Variants in GPR162 observed in about 807,000 individuals in gnomAD.
GPR162 encodes G protein-coupled receptor 162, also known as probable G protein-coupled receptor 162.
A neutral mutation model predicts 44.9 loss-of-function variants in GPR162; 26 were observed. The ratio of observed to expected loss-of-function variants is 0.58; its 90% CI spans 0.42 to 0.80. The LOEUF (loss-of-function observed/expected upper bound fraction) is 0.80. GPR162 is among the 30% of genes least tolerant of loss of function. The pLI is 0.00. For synonymous variants in GPR162, 363 were observed against 335.2 expected (o/e 1.08, Z -0.91); for missense variants, 704 against 802.3 (o/e 0.88, Z 1.48).
At position 6,826,176 on chromosome 12, in the gene GPR162, C is replaced by G; in HGVS notation, c.1058-20C>G. 1 of 1,607,822 alleles carries G rather than the reference C, an allele frequency of 6.2e-7. No homozygotes were observed. Among genetic ancestry groups the G allele is most frequent in the Admixed American group, 1.7e-5 (1 of 59,596 alleles). On this transcript the variant is annotated intron_variant, in intron 3 of 4. Coordinates refer to ENST00000311268, the MANE Select transcript of GPR162 (RefSeq NM_019858.2). ...TAGGCATTCCCTACCTGTAACCACT[C>G]TGCCCATTTTCTCTCCTAGATGGGG...
At position 6,826,786 on chromosome 12, in the gene GPR162, G is replaced by C. The variant is rs199760751; in HGVS notation, c.1349G>C (p.Gly450Ala). The C allele has an allele frequency of 1.2e-6, 2 of 1,609,386 alleles. No individual in the cohort carries two copies. The highest frequency in any genetic ancestry group is 2.7e-5 in the African/African-American group (2 of 74,778). ...RVLPAQSRAL[G>A]GPPEYLGQRH... is the part of the protein sequence containing the mutation. ...CTCCCAGCCCAGAGCCGGGCCCTCG[G>C]GGGTCCTCCTGAGTACCTGGGACAA... Residue 450 changes from glycine to alanine, a missense_variant, in exon 5 of 5, where the codon GGG (glycine) becomes GCG (alanine). This residue lies in a region of GPR162 where 404 missense variants were observed against 314.1 expected (regional missense o/e 1.29). Transcript: ENST00000311268.
intron 4 of GPR162, 26 bp from the exon 5 acceptor site, chr12:6,826,627 C>T (rs782203552): frequency 4.0e-6 from 6 of 1,511,774 alleles, no homozygotes; most frequent in Non-Finnish European, 5.3e-6. Context: ...GCAGCACCTT[C>T]AGGTCTTACC....
In GPR162 at chr12:6,824,351, G is replaced by A. The variant is rs781896905; in HGVS notation, c.453G>A (p.Leu151=). The part of the protein sequence containing the change: ...IWMVSFILST[L]PSIGWHNNGE... ...TGGTCAGCTTCATCCTCTCCACACT[G>A]CCCTCCATTGGCTGGCACAACAACG... Residue 151 remains leucine, a synonymous_variant, in exon 2 of 5, where the codon CTG becomes CTA. Transcript: ENST00000311268. 5 of 1,614,014 alleles carry A rather than the reference G, an allele frequency of 3.1e-6. No individual in the cohort carries two copies. The Admixed American group carries it at 6.7e-5, about 22-fold the overall frequency.
chr12:6,827,303 G>A lies in GPR162; in HGVS notation c.*99G>A, dbSNP rs782020861. ...AGCTGCCTCCAGACTCTGGGGAGAC[G>A]GGCGCTAGATTTGGGGCTCAGAAGG... On this transcript the variant is annotated 3_prime_UTR_variant, in exon 5 of 5. Coordinates refer to ENST00000311268, the MANE Select transcript of GPR162 (RefSeq NM_019858.2). 8.4e-5 allele frequency: 86 copies of A among 1,021,814 alleles called. No homozygotes were observed. The highest frequency in any genetic ancestry group is 2.4e-4 in the South Asian group (14 of 59,494). 63.3% of individuals were successfully genotyped at this position (1,021,814 alleles called of 1,614,324 possible).
At chr12:6,825,036 C>T (rs1169487073) in intron 2 of GPR162, 1 of 653,552 alleles carries the variant, frequency 1.5e-6, no homozygotes, top group Non-Finnish European at 2.8e-6. Context: ...GTTCCACGAC[C>T]TGTCCTCCAG....
chr12:6,825,939 C>T (rs571327232), intron 3 of GPR162, among the ~76,000 whole-genome samples: 9 of 152,134 alleles, frequency 5.9e-5, no homozygotes, highest in Admixed American at 1.3e-4. Context: ...CTGAGCTTCC[C>T]GAGAGAGGCC....
chr12:6,825,498 C>G lies in GPR162; in HGVS notation c.882C>G (p.Phe294Leu). The change falls in exon 3 of 5, where the codon TTC becomes TTG. Residue 294 changes from phenylalanine (F) to leucine (L), a missense_variant. By Grantham distance (22) the Phe-to-Leu change is conservative. Transcript: ENST00000311268. ...TGVPILVVSF[F>L]SLKSDSAPPW... ...CCCTTCCCCAGGTGGTGAGCTTCTTCTCCCTCAAGTCGGACTCGGCGCCCC... is the reference window on the plus strand; with the variant it reads ...CCCTTCCCCAGGTGGTGAGCTTCTTGTCCCTCAAGTCGGACTCGGCGCCCC... The G allele has an allele frequency of 1.2e-6, 2 of 1,608,960 alleles. No homozygotes were observed. The highest frequency in any genetic ancestry group is 1.7e-6 in the Non-Finnish European group (2 of 1,178,194).
At position 6,822,659 on chromosome 12, in the gene GPR162, G is replaced by A. The variant is rs1336907417; in HGVS notation, c.-432+759G>A. Among the ~76,000 whole-genome samples, 1 of 152,022 alleles carries A rather than the reference G, an allele frequency of 6.6e-6. No homozygotes were observed. The highest frequency in any genetic ancestry group is 1.5e-5 in the Non-Finnish European group (1 of 68,006). On this transcript the variant is annotated intron_variant, in intron 1 of 4. Transcript: ENST00000311268. This position sits in a 1 kb window ranked among gnomAD's most constrained non-coding sequence, Gnocchi z 4.2. The stretch of plus-strand genomic sequence containing the variant: ...AGGAAGAGTCAAGGTCTCCCCACGG[G>A]GAGTCAGCACCTTATTGAACATTTG...
At position 6,827,345 on chromosome 12, in the gene GPR162, C is replaced by A. The variant is rs1028646272; in HGVS notation, c.*141C>A. The A allele has an allele frequency of 1.8e-5, 12 of 651,716 alleles. No homozygotes were observed. Among genetic ancestry groups the A allele is most frequent in the Non-Finnish European group, 2.9e-5 (11 of 380,410 alleles). 40.4% of individuals were successfully genotyped at this position (651,716 alleles called of 1,614,324 possible). ...CTCAGAAGGCCCTGCTCTCTCCCAT[C>A]CAAGTGACCAGATGCCCTACTCAGC... On this transcript the variant is annotated 3_prime_UTR_variant, in exon 5 of 5. Coordinates refer to ENST00000311268, the MANE Select transcript of GPR162 (RefSeq NM_019858.2).
At position 6,823,688 on chromosome 12, in the gene GPR162, T is replaced by C; in HGVS notation, c.-211T>C. On this transcript the variant is annotated 5_prime_UTR_variant, in exon 2 of 5. Transcript: ENST00000311268. ...CAGTATGAAAGCTGAGGATTGCCTC[T>C]GCTGACCCTCAGTCTCCTCCCCTGC... The C allele has an allele frequency of 7.0e-7, 1 of 1,419,792 alleles. No individual in the cohort carries two copies. The highest frequency in any genetic ancestry group is 9.8e-7 in the Non-Finnish European group (1 of 1,019,098). The allele number at this position is 1,419,792 out of a possible 1,614,324, so 87.9% of individuals were successfully genotyped here. A position where few individuals can be genotyped will look rare whatever the true frequency, so the allele number is the denominator to read the frequency against.
intron 4 of GPR162, 52 bp from the exon 5 acceptor site, chr12:6,826,601 C>T (rs1476342952): frequency 6.1e-6 from 9 of 1,465,118 alleles, no homozygotes; most frequent in South Asian, 1.4e-5. Context: ...TGGTTCCTGC[C>T]TCTGCCTCTG....
Position 6,826,655 on chromosome 12 carries a change from C to A in GPR162, c.1218C>A (p.Val406=), listed in dbSNP as rs782036082. The part of the protein sequence containing the change: ...PPLERVHYLQ[V]PLSRRLSHDE... ...GTCTTACCCGCTCCTCTTCCCAGGT[C>A]CCCCTATCCCGGCGTCTGTCCCATG... The change falls in exon 5 of 5, where the codon GTC becomes GTA. Residue 406 remains valine (V), a splice_region_variant and synonymous_variant. Transcript: ENST00000311268. 16 of 1,519,042 alleles carry A rather than the reference C, an allele frequency of 1.1e-5. No homozygotes were observed. In the East Asian group the frequency reaches 3.4e-4, roughly 32 times the overall value. 94.1% of individuals were successfully genotyped at this position (1,519,042 alleles called of 1,614,324 possible).
chr12:6,821,924 G>A (rs1362489300), intron 1 of GPR162, 24 bp downstream of exon 1: 13 of 152,544 alleles, frequency 8.5e-5, no homozygotes, highest in South Asian at 2.1e-4. Context: ...TGCCTGCCCC[G>A]TCCCCTGTGT....
chr12:6,824,649 G>A lies in GPR162; in HGVS notation c.751G>A (p.Gly251Arg), dbSNP rs1555119718. The change falls in exon 2 of 5, where the codon GGG (glycine) becomes AGG (arginine). Residue 251 changes from glycine (G) to arginine (R), a missense_variant. Around this residue, in one of 6 missense-constraint regions of GPR162, gnomAD observed 92 missense variants for 156.5 expected, o/e 0.59. Transcript: ENST00000311268. ...AGCCATTGTGGTGGAGGATGCCCGAGGGAAGCGGCGGTCCTCGCTGGATGG... is the reference window on the plus strand; with the variant it reads ...AGCCATTGTGGTGGAGGATGCCCGAAGGAAGCGGCGGTCCTCGCTGGATGG... ...VPAIVVEDAR[G>R]KRRSSLDGSE... 2.5e-6 allele frequency: 4 copies of A among 1,613,972 alleles called. No individual in the cohort carries two copies. The highest frequency in any genetic ancestry group is 2.2e-5 in the East Asian group (1 of 44,876).
Position 6,822,950 on chromosome 12 carries a change from A to AT in GPR162, c.-431-514dup, listed in dbSNP as rs1943303719. On this transcript the variant is annotated intron_variant, in intron 1 of 4. Coordinates refer to ENST00000311268, the MANE Select transcript of GPR162 (RefSeq NM_019858.2). This position sits in a 1 kb window ranked among gnomAD's most constrained non-coding sequence, Gnocchi z 4.2. ...CTTCGGTCCCAGACTCCTTTCTCCC[A>AT]TTTTCCCAGATATGGGTAGCTGGAG... 6.6e-6 allele frequency among the ~76,000 whole-genome samples: 1 copy of AT among 151,756 alleles called. No individual in the cohort carries two copies. Among genetic ancestry groups the AT allele is most frequent in the African/African-American group, 2.4e-5 (1 of 41,244 alleles).
rs1555119721 is a variant in GPR162, at chr12:6,824,656, G to A, written c.758G>A (p.Arg253Gln). 3.7e-6 allele frequency: 6 copies of A among 1,613,984 alleles called. No homozygotes were observed. The highest frequency in any genetic ancestry group is 4.5e-5 in the East Asian group (2 of 44,876). ...GTGGTGGAGGATGCCCGAGGGAAGCGGCGGTCCTCGCTGGATGGCTCGGAG... is the reference window on the plus strand; with the variant it reads ...GTGGTGGAGGATGCCCGAGGGAAGCAGCGGTCCTCGCTGGATGGCTCGGAG... Reference protein sequence around the residue: ...AIVVEDARGKRRSSLDGSESA... With the variant: ...AIVVEDARGKQRSSLDGSESA... The change falls in exon 2 of 5, where the codon CGG (arginine) becomes CAG (glutamine). Residue 253 changes from arginine to glutamine, a missense_variant. By Grantham distance (43) the Arg-to-Gln change is conservative. This residue lies in a region of GPR162 where 92 missense variants were observed against 156.5 expected (regional missense o/e 0.59). Coordinates refer to ENST00000311268, the MANE Select transcript of GPR162 (RefSeq NM_019858.2).
In GPR162 at chr12:6,823,602, T is replaced by G; in HGVS notation, c.-297T>G. 1 of 591,174 alleles carries G rather than the reference T, an allele frequency of 1.7e-6. No homozygotes were observed. The highest frequency in any genetic ancestry group is 2.9e-6 in the Non-Finnish European group (1 of 342,902). 36.6% of individuals were successfully genotyped at this position (591,174 alleles called of 1,614,324 possible). On this transcript the variant is annotated 5_prime_UTR_variant, in exon 2 of 5. Coordinates refer to ENST00000311268, the MANE Select transcript of GPR162 (RefSeq NM_019858.2). The stretch of plus-strand genomic sequence containing the variant: ...AGAACCCCCCAGCCAGCCTCATAGT[T>G]GGGAAAGTAGCCAGCTTGCCTGCCC...
intron 2 of GPR162, chr12:6,825,251 C>T: frequency 1.7e-6 from 1 of 587,842 alleles, no homozygotes; most frequent in African/African-American, 1.9e-5. Flanking sequence ...TGGTCCACCT[C>T]TGTTCCTCTC....
At position 6,825,415 on chromosome 12, in the gene GPR162, C is replaced by G. The variant is rs56390107; in HGVS notation, c.868-69C>G. On this transcript the variant is annotated intron_variant, in intron 2 of 4. Transcript: ENST00000311268. Reference sequence around the variant, plus strand: ...TCTGACGTCTTGCCCACCAGCTGCACTAGGATATGGGGTTCAGGTGGGCTC... The same window carrying G: ...TCTGACGTCTTGCCCACCAGCTGCAGTAGGATATGGGGTTCAGGTGGGCTC... 1,545 of 944,052 alleles carry G rather than the reference C, an allele frequency of 1.6e-3. 19 individuals are homozygous for G. In the African/African-American group the frequency reaches 0.022, roughly 14 times the overall value. The allele number at this position is 944,052 out of a possible 1,614,324, so 58.5% of individuals were successfully genotyped here.
Sources: allele counts gnomAD v4.1 joint callset (sites outside exome capture counted in the v4.1 genomes callset), GRCh38; gene constraint gnomAD v4.1.1; regional missense constraint gnomAD v4.1.1; non-coding constraint Gnocchi (gnomAD v3.1); transcripts MANE v1.5; gene names NCBI Gene and HGNC (gene_info 2026-07-23, HGNC 2026-07-21).